The following SOS2 variants were observed in gnomAD, a reference collection of about 807,000 sequenced individuals.
SOS2 encodes SOS Ras/Rho guanine nucleotide exchange factor 2.
In SOS2, 65 loss-of-function variants were observed where a neutral mutation model predicts 148.2. The observed-to-expected ratio is 0.44, with a 90% CI of 0.36 to 0.54. SOS2 has a LOEUF of 0.54. SOS2 is among the 20% of genes least tolerant of loss of function. The pLI, the probability that SOS2 is intolerant of heterozygous loss-of-function variation, is 0.00. For missense variants in SOS2, 1,341 were observed against 1,590.2 expected (o/e 0.84, Z 2.67); for synonymous variants, 539 against 537.1 (o/e 1.00, Z -0.05).
chr14:50,185,967 A>G (rs1479180954), intron 5 of SOS2, among the ~76,000 whole-genome samples: 1 of 152,146 alleles, frequency 6.6e-6, no homozygotes, highest in Non-Finnish European at 1.5e-5. Context: ...GTCTGCTAAT[A>G]CCCAGCTCAT....
intron 8 of SOS2, among the ~76,000 whole-genome samples, chr14:50,170,807 T>C (rs868719365): frequency 1.4e-5 from 2 of 147,296 alleles, no homozygotes; most frequent in African/African-American, 2.5e-5. Flanking sequence ...AGGATGACTA[T>C]TATTAAAAAA....
intron 14 of SOS2, among the ~76,000 whole-genome samples, chr14:50,146,007 C>T (rs983185057): frequency 6.6e-6 from 1 of 151,966 alleles, no homozygotes; most frequent in South Asian, 2.1e-4. Flanking sequence ...GTGGCACCTG[C>T]CTGTAATCCC....
At chr14:50,131,832 C>T (rs188948039) in intron 19 of SOS2, among the ~76,000 whole-genome samples, 2 of 152,204 alleles carry the variant, frequency 1.3e-5, no homozygotes, top group African/African-American at 4.8e-5. Flanking sequence ...AAGCCAATGG[C>T]GGCAGATCAT....
intron 4 of SOS2, among the ~76,000 whole-genome samples, chr14:50,193,661 G>A (rs536003676): frequency 3.2e-4 from 48 of 152,036 alleles, no homozygotes; most frequent in African/African-American, 1.1e-3. Flanking sequence ...GTGATCTCTA[G>A]ATATCAGTTT....
At chr14:50,134,328 G>A (rs1046904449) in intron 18 of SOS2, 89 bp from the exon 19 acceptor site, 7 of 653,354 alleles carry the variant, frequency 1.1e-5, no homozygotes, top group Non-Finnish European at 1.6e-5. Context: ...ATTTTTTGCT[G>A]AAAATTACTT....
intron 12 of SOS2, among the ~76,000 whole-genome samples, chr14:50,153,977 A>T (rs1312902439): frequency 1.4e-5 from 2 of 142,980 alleles, no homozygotes; most frequent in Non-Finnish European, 3.0e-5. Flanking sequence ...CAAAAGACAA[A>T]AATAGAACTG....
chr14:50,231,320 C>T lies in SOS2; in HGVS notation c.-37G>A. On this transcript the variant is annotated 5_prime_UTR_variant, in exon 1 of 23. Coordinates refer to ENST00000216373, the MANE Select transcript of SOS2 (RefSeq NM_006939.4). ...CAGCGCCTCCGCATCGGGGGCAGCCCGCGGGCCGGGCCGGTGGCCTGACAG... is the reference window on the plus strand; with the variant it reads ...CAGCGCCTCCGCATCGGGGGCAGCCTGCGGGCCGGGCCGGTGGCCTGACAG... 8.0e-7 allele frequency: 1 copy of T among 1,250,514 alleles called. No homozygotes were observed. The highest frequency in any genetic ancestry group is 3.3e-5 in the East Asian group (1 of 30,766). The allele number at this position is 1,250,514 out of a possible 1,614,324, so 77.5% of individuals were successfully genotyped here. A position where few individuals can be genotyped will look rare whatever the true frequency, so the allele number is the denominator to read the frequency against.
intron 1 of SOS2, chr14:50,215,392 G>A (rs1223786327): frequency 1.6e-6 from 2 of 1,282,452 alleles, no homozygotes; most frequent in African/African-American, 1.5e-5. Flanking sequence ...GCTGTAACAG[G>A]ACATCAAGAG....
intron 1 of SOS2, among the ~76,000 whole-genome samples, chr14:50,210,683 C>A: frequency 7.0e-6 from 1 of 142,140 alleles, no homozygotes; most frequent in Admixed American, 7.0e-5. Flanking sequence ...CCTAAAAATT[C>A]AGTAAGAAAA....
intron 1 of SOS2, among the ~76,000 whole-genome samples, chr14:50,212,211 C>T (rs1452487974): frequency 2.6e-5 from 4 of 152,242 alleles, no homozygotes; most frequent in Non-Finnish European, 5.9e-5. Flanking sequence ...CGCGGTGGCT[C>T]GCGCCTATAA....
At chr14:50,218,754 T>C (rs1887112057) in intron 1 of SOS2, among the ~76,000 whole-genome samples, 1 of 152,092 alleles carries the variant, frequency 6.6e-6, no homozygotes, top group Admixed American at 6.6e-5. Flanking sequence ...AGGAACAGGA[T>C]CTCTTATATT....
chr14:50,223,983 A>C (rs1887276214), intron 1 of SOS2, among the ~76,000 whole-genome samples: 1 of 152,252 alleles, frequency 6.6e-6, no homozygotes, highest in East Asian at 1.9e-4. Flanking sequence ...ATGTGTTAAT[A>C]GAAATAGAAG....
chr14:50,204,604 T>C (rs1196845443), intron 1 of SOS2, among the ~76,000 whole-genome samples, 195 bp from the exon 2 acceptor site: 2 of 152,206 alleles, frequency 1.3e-5, no homozygotes, highest in East Asian at 1.9e-4. Context: ...TTAAGCATTT[T>C]TGGACCCTTT....
chr14:50,207,068 T>C (rs774459221), intron 1 of SOS2, among the ~76,000 whole-genome samples: 9 of 152,244 alleles, frequency 5.9e-5, no homozygotes, highest in Non-Finnish European at 4.4e-5. Flanking sequence ...TATATGGGTC[T>C]ACCTGGCTTC....
chr14:50,199,729 A>G lies in SOS2; in HGVS notation c.472T>C (p.Ser158Pro), dbSNP rs1210780288. The change falls in exon 4 of 23, where the codon TCT (serine) becomes CCT (proline). Residue 158 changes from serine to proline, a missense_variant. Coordinates refer to ENST00000216373, the MANE Select transcript of SOS2 (RefSeq NM_006939.4). ...ATTGACACTTTAATGTCCTGCTGAG[A>G]TATTTCATAATGCCGGATATTAAAA... is the stretch of plus-strand genomic sequence containing the variant. ...YVFNIRHYEISQQDIKVSMCA... is the reference protein window; with the variant it reads ...YVFNIRHYEIPQQDIKVSMCA... 6.2e-7 allele frequency: 1 copy of G among 1,610,030 alleles called. No homozygotes were observed.
At chr14:50,135,089 A>AAAAAAAAAAAAGAAAGAAAGAAAGAAAG (rs1555368583) in intron 18 of SOS2, among the ~76,000 whole-genome samples, 2 of 131,536 alleles carry the variant, frequency 1.5e-5, no homozygotes, top group Admixed American at 7.8e-5. Flanking sequence ...AAAAAAAAAA[A>AAAAAAAAAAAAGAAAGAAAGAAAGAAAG]AAAGAAAGAA....
At chr14:50,185,986 T>C (rs1054799227) in intron 5 of SOS2, among the ~76,000 whole-genome samples, 1 of 152,138 alleles carries the variant, frequency 6.6e-6, no homozygotes, top group African/African-American at 2.4e-5. Flanking sequence ...ATCAGGGTCT[T>C]AGGGTTAAAT....
rs769629614 is a variant in SOS2, at chr14:50,155,958, C to T, written c.2057+1041G>A. The T allele has an allele frequency of 2.0e-5, 3 of 151,988 alleles. No individual in the cohort carries two copies. The East Asian group carries it at 5.8e-4, about 29-fold the overall frequency. 9.4% of individuals were successfully genotyped at this position (151,988 alleles called of 1,614,324 possible). Reference sequence around the variant, plus strand: ...TCTCATCTTCTTATACAAAGAATGACGTTAAAAGTTTTAGTGAAAGACATA... The same window carrying T: ...TCTCATCTTCTTATACAAAGAATGATGTTAAAAGTTTTAGTGAAAGACATA... On this transcript the variant is annotated intron_variant, in intron 12 of 22. Transcript: ENST00000216373.
chr14:50,127,364 A>T (rs1013426952), intron 21 of SOS2, among the ~76,000 whole-genome samples: 1 of 151,752 alleles, frequency 6.6e-6, no homozygotes, highest in Admixed American at 6.6e-5. Context: ...CTGGTCTCAA[A>T]CTCCTGACCT....
Sources: gnomAD v4.1 joint callset for allele counts (sites outside exome capture counted in the v4.1 genomes callset) on GRCh38, gnomAD v4.1.1 for gene constraint, MANE v1.5 for transcripts, NCBI Gene and HGNC (gene_info 2026-07-23, HGNC 2026-07-21) for gene names.